The following STK31 variants were observed in gnomAD, a reference collection of about 807,000 sequenced individuals.
STK31 encodes the protein serine/threonine kinase 31.
In STK31, 89 loss-of-function variants were observed where a neutral mutation model predicts 129.7. The observed-to-expected ratio is 0.69, with a 90% CI of 0.58 to 0.82. The LOEUF (loss-of-function observed/expected upper bound fraction) is 0.82. STK31 is among the 40% of genes least tolerant of loss of function. STK31 has a pLI of 0.00. For missense variants in STK31, 1,187 were observed against 1,176.4 expected, an observed-to-expected ratio of 1.01 and a Z score of -0.13; for synonymous variants, 448 against 395.3, an observed-to-expected ratio of 1.13 and a Z score of -1.58.
intron 18 of STK31, among the ~76,000 whole-genome samples, chr7:23,785,859 G>T (rs948513069): frequency 3.9e-5 from 6 of 151,916 alleles, no homozygotes; most frequent in Admixed American, 2.0e-4. Flanking sequence ...TGGGGGGCAG[G>T]GGGAGGGATA....
chr7:23,729,510 T>G (rs1431360793), intron 6 of STK31, among the ~76,000 whole-genome samples: 1 of 145,684 alleles, frequency 6.9e-6, no homozygotes, highest in Non-Finnish European at 1.5e-5. Context: ...AGTCTCTTTT[T>G]GTTTTTTTTT....
rs186916383 is a variant in STK31, at chr7:23,804,506, T to C, written c.2761-10638T>C. 2.0e-5 allele frequency among the ~76,000 whole-genome samples: 3 copies of C among 152,310 alleles called. No homozygotes were observed. In the East Asian group the frequency reaches 5.8e-4, roughly 29 times the overall value. On this transcript the variant is annotated intron_variant, in intron 22 of 23. Coordinates refer to ENST00000355870, the MANE Select transcript of STK31 (RefSeq NM_031414.5). ...TGAAGTATTAGGCTTTAAAAAATAGTTCCATGTTTTTTTCCTGAGTTCATT... is the reference window on the plus strand; with the variant it reads ...TGAAGTATTAGGCTTTAAAAAATAGCTCCATGTTTTTTTCCTGAGTTCATT...
chr7:23,753,853 G>C (rs1788879290), intron 9 of STK31, among the ~76,000 whole-genome samples: 1 of 152,078 alleles, frequency 6.6e-6, no homozygotes, highest in Admixed American at 6.6e-5. Context: ...TGCTGTTTTT[G>C]TGACTAAAAA....
Position 23,712,109 on chromosome 7 carries a change from A to G in STK31, c.61A>G (p.Ile21Val), listed in dbSNP as rs1415487849. ...SATESVSFSG[I>V]VQMDEDTHYD... ...AAGGTATTGTTCTAGTTTTTCAGGA[A>G]TTGTTCAAATGGATGAAGATACACA... The change falls in exon 2 of 24, where the codon ATT (isoleucine) becomes GTT (valine). Residue 21 changes from isoleucine to valine, a missense_variant. Around this residue, in one of 5 missense-constraint regions of STK31, gnomAD observed 104 missense variants for 98.3 expected, o/e 1.06. Transcript: ENST00000355870. The G allele has an allele frequency of 1.9e-6, 3 of 1,610,184 alleles. No homozygotes were observed. Among genetic ancestry groups the G allele is most frequent in the Admixed American group, 3.3e-5 (2 of 59,888 alleles).
intron 3 of STK31, among the ~76,000 whole-genome samples, chr7:23,715,578 CCAAA>C (rs3033247): frequency 7.3e-4 from 111 of 151,444 alleles, no homozygotes; most frequent in African/African-American, 2.5e-3. Flanking sequence ...TGAGATTGCA[CCAAA>C]CAAACAAACA....
At chr7:23,755,851 C>G (rs1362721389) in intron 10 of STK31, among the ~76,000 whole-genome samples, 1 of 152,118 alleles carries the variant, frequency 6.6e-6, no homozygotes, top group Non-Finnish European at 1.5e-5. Flanking sequence ...CTCCATTGGT[C>G]TATATGTCTG....
intron 20 of STK31, 87 bp from the exon 21 acceptor site, chr7:23,787,893 C>G (rs954020485): frequency 2.2e-6 from 3 of 1,341,474 alleles, no homozygotes; most frequent in African/African-American, 3.0e-5. Flanking sequence ...TTACTCACTT[C>G]TAGAGCAGTC....
intron 23 of STK31, among the ~76,000 whole-genome samples, chr7:23,829,968 G>C (rs1554300077): frequency 6.6e-6 from 1 of 151,930 alleles, no homozygotes; most frequent in Non-Finnish European, 1.5e-5. Context: ...TGTTTGTTTT[G>C]AGACAGAGTC....
chr7:23,756,723 C>T (rs1303423647), intron 10 of STK31, among the ~76,000 whole-genome samples: 1 of 152,146 alleles, frequency 6.6e-6, no homozygotes, highest in Non-Finnish European at 1.5e-5. Context: ...TTTATCGAAG[C>T]CCTTTCTGCA....
chr7:23,825,589 TA>T (rs1794094170), intron 23 of STK31, among the ~76,000 whole-genome samples: 1 of 152,202 alleles, frequency 6.6e-6, no homozygotes, highest in African/African-American at 2.4e-5. Context: ...TTTTTGTGTC[TA>T]TATGTACTTC....
chr7:23,719,599 A>G (rs1786562114), intron 4 of STK31, among the ~76,000 whole-genome samples: 1 of 152,106 alleles, frequency 6.6e-6, no homozygotes, highest in African/African-American at 2.4e-5. Context: ...TCCTTTCCTA[A>G]ATAGAAATGA....
At chr7:23,828,704 C>G (rs1355283993) in intron 23 of STK31, among the ~76,000 whole-genome samples, 1 of 152,038 alleles carries the variant, frequency 6.6e-6, no homozygotes, top group Non-Finnish European at 1.5e-5. Flanking sequence ...GAGCTGTAGA[C>G]TGGAGCTGTT....
intron 15 of STK31, among the ~76,000 whole-genome samples, chr7:23,774,909 G>T (rs887598368): frequency 1.3e-5 from 2 of 152,066 alleles, no homozygotes; most frequent in Non-Finnish European, 2.9e-5. Context: ...TATGGTTTTA[G>T]GTCTAATATT....
intron 5 of STK31, chr7:23,727,716 A>G (rs1162353641): frequency 5.2e-5 from 9 of 173,872 alleles, no homozygotes; most frequent in Non-Finnish European, 9.6e-5. Flanking sequence ...GCGCCCACCA[A>G]CACACTGGCT....
At chr7:23,758,939 G>A (rs1339517547) in intron 10 of STK31, among the ~76,000 whole-genome samples, 1 of 152,172 alleles carries the variant, frequency 6.6e-6, no homozygotes, top group African/African-American at 2.4e-5. Context: ...AGAAAGGGAT[G>A]GAGGGAAATT....
chr7:23,748,093 T>C (rs1788469859), intron 8 of STK31, among the ~76,000 whole-genome samples: 1 of 152,274 alleles, frequency 6.6e-6, no homozygotes, highest in South Asian at 2.1e-4. Context: ...ATTTCAATGC[T>C]GTAAATTTTT....
chr7:23,831,472 CT>C (rs1385782061), intron 23 of STK31, among the ~76,000 whole-genome samples: 1 of 152,026 alleles, frequency 6.6e-6, no homozygotes, highest in Non-Finnish European at 1.5e-5. Flanking sequence ...CTTTTCCCAT[CT>C]TTTTGCAGCA....
intron 22 of STK31, among the ~76,000 whole-genome samples, chr7:23,809,815 G>A (rs967980046): frequency 1.7e-5 from 2 of 116,342 alleles, no homozygotes; most frequent in Non-Finnish European, 3.5e-5. Context: ...ATATGGGGTT[G>A]TAACCTTGGA....
rs1488845008 is a variant in STK31 at position 23,754,453 on chromosome 7, T to C, written c.1272T>C (p.Asn424=). ...IWAEYSLAQE[N]IKTCEYVSEG... ...CAGAATACAGTCTGGCTCAGGAGAATATTAAAACTTGTGAATATGTGGTGA... is the reference window on the plus strand; with the variant it reads ...CAGAATACAGTCTGGCTCAGGAGAACATTAAAACTTGTGAATATGTGGTGA... The change falls in exon 10 of 24, where the codon AAT becomes AAC. Residue 424 remains asparagine, a synonymous_variant. Transcript: ENST00000355870. 6.2e-7 allele frequency: 1 copy of C among 1,611,222 alleles called. No individual in the cohort carries two copies.
Sources: allele counts gnomAD v4.1 joint callset (sites outside exome capture counted in the v4.1 genomes callset), GRCh38; gene constraint gnomAD v4.1.1; regional missense constraint gnomAD v4.1.1; transcripts MANE v1.5; gene names NCBI Gene and HGNC (gene_info 2026-07-23, HGNC 2026-07-21).